The following SLC11A2 variants were observed in gnomAD, a reference collection of about 807,000 sequenced individuals.
The protein encoded by SLC11A2 is solute carrier family 11 member 2.
Under a neutral mutation model 68.0 loss-of-function variants are expected in SLC11A2, and 38 were observed. The ratio of observed to expected loss-of-function variants is 0.56; its 90% confidence interval spans 0.43 to 0.73. The LOEUF is 0.73. SLC11A2 is among the 30% of genes least tolerant of loss of function. The pLI, the probability that SLC11A2 is intolerant of heterozygous loss-of-function variation, is 0.00. For missense variants in SLC11A2, 517 were observed against 690.5 expected, an observed-to-expected ratio of 0.75 and a Z score of 2.82; for synonymous variants, 242 against 250.6, an observed-to-expected ratio of 0.97 and a Z score of 0.32.
At chr12:51,008,974 C>G in intron 2 of SLC11A2, 1 of 652,736 alleles carries the variant, frequency 1.5e-6, no homozygotes, top group Non-Finnish European at 2.7e-6. Flanking sequence ...TTTCATTTTC[C>G]TCTAAAAACA....
intron 1 of SLC11A2, among the ~76,000 whole-genome samples, chr12:51,022,085 G>A (rs1246463867): frequency 6.6e-6 from 1 of 152,094 alleles, no homozygotes; most frequent in African/African-American, 2.4e-5. Flanking sequence ...TACTTCCAGT[G>A]ACTATAGCTT....
intron 1 of SLC11A2, among the ~76,000 whole-genome samples, chr12:51,023,768 C>G (rs1037512505): frequency 6.6e-6 from 1 of 152,132 alleles, no homozygotes; most frequent in African/African-American, 2.4e-5. Flanking sequence ...TGGTTGGGCA[C>G]GGTGGCTGGC....
Position 51,026,335 on chromosome 12 carries a change from A to G in SLC11A2, c.-64T>C, listed in dbSNP as rs551608313. The G allele has an allele frequency of 1.0e-5, 13 of 1,267,826 alleles. No individual in the cohort carries two copies. Among genetic ancestry groups the G allele is most frequent in the South Asian group, 1.2e-5 (1 of 80,060 alleles). 78.5% of individuals were successfully genotyped at this position (1,267,826 alleles called of 1,614,324 possible). Reference sequence around the variant, plus strand: ...CTTACCAGCTCCGCAACCACCTGACACGCCGCCCCCGCGCCCAGGGCTCCA... The same window carrying G: ...CTTACCAGCTCCGCAACCACCTGACGCGCCGCCCCCGCGCCCAGGGCTCCA... On this transcript the variant is annotated 5_prime_UTR_variant, in exon 1 of 16. Coordinates refer to ENST00000262052, the MANE Select transcript of SLC11A2 (RefSeq NM_000617.3).
chr12:50,958,088 G>A, the SLC11A2 span, among the ~76,000 whole-genome samples: 177 of 151,814 alleles, frequency 1.2e-3, no homozygotes, highest in Non-Finnish European at 2.0e-3. Flanking sequence ...TTACAGGCAT[G>A]AGCTACCATG....
rs150599976 is a variant in SLC11A2, at chr12:51,023,499, C to T, written c.-39+2811G>A. 2.1e-3 allele frequency among the ~76,000 whole-genome samples: 315 copies of T among 152,214 alleles called. 2 individuals are homozygous for T. The highest frequency in any genetic ancestry group is 7.1e-3 in the African/African-American group (297 of 41,554). ...CAGCAAGTAAGTGAGACATGGTCTGCATCTTCTAATTCATTATATTCCGCT... is the reference window on the plus strand; with the variant it reads ...CAGCAAGTAAGTGAGACATGGTCTGTATCTTCTAATTCATTATATTCCGCT... On this transcript the variant is annotated intron_variant, in intron 1 of 15. Coordinates refer to ENST00000262052, the MANE Select transcript of SLC11A2 (RefSeq NM_000617.3).
Position 51,022,143 on chromosome 12 carries a change from C to CT in SLC11A2, c.-39+4166dup, listed in dbSNP as rs1289235591. ...GTGTGAGCTTCCTCTAAACTTCCTC[C>CT]TAACCAGAAGTTTACAGCAGTGTGT... On this transcript the variant is annotated intron_variant, in intron 1 of 15. Transcript: ENST00000262052. Among the ~76,000 whole-genome samples the CT allele has an allele frequency of 2.6e-5, 4 of 152,146 alleles. No individual in the cohort carries two copies. In the East Asian group the frequency reaches 7.7e-4, roughly 29 times the overall value.
At chr12:50,969,861 C>T in the SLC11A2 span, among the ~76,000 whole-genome samples, 3 of 152,112 alleles carry the variant, frequency 2.0e-5, no homozygotes, top group Non-Finnish European at 4.4e-5. Context: ...AAATCTGTGA[C>T]TCCCTAACTT....
At chr12:50,963,603 G>A in the SLC11A2 span, among the ~76,000 whole-genome samples, 1 of 152,210 alleles carries the variant, frequency 6.6e-6, no homozygotes, top group East Asian at 1.9e-4. Flanking sequence ...AGAAGGTGAA[G>A]GAGAAAATTC....
upstream of SLC11A2, among the ~76,000 whole-genome samples, chr12:51,027,011 T>C (rs758712186): frequency 4.6e-5 from 7 of 152,010 alleles, no homozygotes; most frequent in Non-Finnish European, 8.8e-5. Context: ...ACCCCGTCTT[T>C]ACTAAAAATA....
downstream of SLC11A2, among the ~76,000 whole-genome samples, chr12:50,978,213 T>C (rs1462248983): frequency 2.7e-5 from 4 of 150,244 alleles, no homozygotes; most frequent in African/African-American, 9.8e-5. Flanking sequence ...TGCGGCACTA[T>C]TCACAATAGC....
chr12:50,992,008 AAACC>A (rs1941197383), intron 13 of SLC11A2, among the ~76,000 whole-genome samples, 178 bp downstream of exon 13: 1 of 152,186 alleles, frequency 6.6e-6, no homozygotes, highest in Admixed American at 6.5e-5. Context: ...CAGGTTTAAA[AAACC>A]AACCATTTCT....
intron 15 of SLC11A2, among the ~76,000 whole-genome samples, chr12:50,989,542 C>A (rs925859991): frequency 1.3e-5 from 2 of 152,174 alleles, no homozygotes; most frequent in Admixed American, 6.5e-5. Context: ...CTTAGGCTGA[C>A]TGAGGACAAA....
chr12:50,959,278 C>T, the SLC11A2 span, among the ~76,000 whole-genome samples: 1 of 151,840 alleles, frequency 6.6e-6, no homozygotes, highest in Non-Finnish European at 1.5e-5. Context: ...CGCCACCACG[C>T]CTGGCTAATT....
intron 10 of SLC11A2, chr12:50,994,971 CAG>C (rs1033894068): frequency 1.2e-4 from 38 of 328,180 alleles, no homozygotes; most frequent in African/African-American, 8.0e-4. Context: ...TCAAAGCAGA[CAG>C]AGGAGTCAGA....
chr12:51,018,655 C>T (rs1245647877), intron 1 of SLC11A2, among the ~76,000 whole-genome samples: 1 of 151,518 alleles, frequency 6.6e-6, no homozygotes, highest in Non-Finnish European at 1.5e-5. Context: ...GTAGTGCGTG[C>T]TACTTGGGAG....
rs1372449229 is a variant in SLC11A2 at position 50,986,162 on chromosome 12, T to G, written c.*2163A>C. On this transcript the variant is annotated 3_prime_UTR_variant, in exon 16 of 16. Coordinates refer to ENST00000262052, the MANE Select transcript of SLC11A2 (RefSeq NM_000617.3). The stretch of plus-strand genomic sequence containing the variant: ...AGTATAATGTAGCAGCACAATTATT[T>G]CATGTCACATTTAAGAAGAACAAGA... 3.9e-6 allele frequency: 5 copies of G among 1,285,978 alleles called. No individual in the cohort carries two copies. Among genetic ancestry groups the G allele is most frequent in the Non-Finnish European group, 5.1e-6 (5 of 987,694 alleles). 79.7% of individuals were successfully genotyped at this position (1,285,978 alleles called of 1,614,324 possible). A position where few individuals can be genotyped will look rare whatever the true frequency, so the allele number is the denominator to read the frequency against.
chr12:51,008,309 G>A, intron 3 of SLC11A2, 167 bp downstream of exon 3: 1 of 595,856 alleles, frequency 1.7e-6, no homozygotes, highest in South Asian at 1.8e-5. Flanking sequence ...TGGGGTGTGT[G>A]TGTGTGTGTG....
chr12:50,966,910 G>A, the SLC11A2 span, among the ~76,000 whole-genome samples: 2 of 152,110 alleles, frequency 1.3e-5, no homozygotes, highest in Non-Finnish European at 2.9e-5. Flanking sequence ...GAGGTCAGGA[G>A]TTCGAGAACA....
the SLC11A2 span, among the ~76,000 whole-genome samples, chr12:50,956,378 C>A: frequency 6.6e-6 from 1 of 151,912 alleles, no homozygotes; most frequent in Admixed American, 6.6e-5. Context: ...GGCAACAGAG[C>A]GAGACTCCAT....
Sources: allele counts gnomAD v4.1 joint callset (sites outside exome capture counted in the v4.1 genomes callset), GRCh38; gene constraint gnomAD v4.1.1; transcripts MANE v1.5; gene names NCBI Gene and HGNC (gene_info 2026-07-23, HGNC 2026-07-21).